Variants in SCARB1 observed in about 807,000 individuals in gnomAD.
SCARB1 encodes the protein scavenger receptor class B member 1, also known as CD36 and LIMPII analogous 1.
In SCARB1, 30 loss-of-function variants were observed where a neutral mutation model predicts 57.2. The observed-to-expected ratio is 0.52, with a 90% CI of 0.39 to 0.71. The LOEUF (loss-of-function observed/expected upper bound fraction) is 0.71, where lower values mean the gene tolerates loss of function less well. Among genes scored for constraint, SCARB1 ranks in the 30% least tolerant of loss-of-function variants. The pLI, the probability that SCARB1 is intolerant of heterozygous loss-of-function variation, is 0.00. For synonymous variants in SCARB1, 249 were observed against 268.3 expected (o/e 0.93, Z 0.70); for missense variants, 543 against 671.2 (o/e 0.81, Z 2.11).
At chr12:124,833,482 C>T (rs117583790) in intron 1 of SCARB1, among the ~76,000 whole-genome samples, 1 of 152,152 alleles carries the variant, frequency 6.6e-6, no homozygotes, top group South Asian at 2.1e-4. Context: ...GCCATCATGC[C>T]TGGTGTAAGA....
At chr12:124,818,177 C>G (rs778154657) in intron 1 of SCARB1, among the ~76,000 whole-genome samples, 3 of 152,168 alleles carry the variant, frequency 2.0e-5, no homozygotes, top group Non-Finnish European at 2.9e-5. Context: ...CAGGACAGAC[C>G]AAAAGCCCAG....
chr12:124,801,252 T>G (rs531481321), intron 7 of SCARB1, among the ~76,000 whole-genome samples: 4 of 148,864 alleles, frequency 2.7e-5, no homozygotes, highest in Admixed American at 1.3e-4. Context: ...ACAGTGCTAA[T>G]CCACAGACAG....
intron 12 of SCARB1, 27 bp downstream of exon 12, chr12:124,782,656 A>T (rs369142298): frequency 4.5e-5 from 72 of 1,611,106 alleles, no homozygotes; most frequent in Non-Finnish European, 5.5e-5. Flanking sequence ...GGGGGCGGGG[A>T]GGCGCACGGC....
intron 1 of SCARB1, among the ~76,000 whole-genome samples, chr12:124,863,316 G>A (rs1286261719): frequency 2.6e-5 from 4 of 152,176 alleles, no homozygotes; most frequent in African/African-American, 9.7e-5. Flanking sequence ...CGGGTCAGGC[G>A]CCCGGGTGGT....
chr12:124,800,314 G>T lies in SCARB1; in HGVS notation c.1010-72C>A. ...GCAGGTCCTGCCAGGCCGGAGGTCT[G>T]CACAGAGCTGTGGTCTGCAGGGCAC... is the stretch of plus-strand genomic sequence containing the variant. On this transcript the variant is annotated intron_variant, in intron 7 of 12. Transcript: ENST00000261693. The surrounding 1 kb of genome is among the most constrained non-coding windows in gnomAD (Gnocchi z 4.8). 8.6e-7 allele frequency: 1 copy of T among 1,163,896 alleles called. No individual in the cohort carries two copies. Among genetic ancestry groups the T allele is most frequent in the Non-Finnish European group, 1.3e-6 (1 of 781,890 alleles). 72.1% of individuals were successfully genotyped at this position (1,163,896 alleles called of 1,614,324 possible). A position where few individuals can be genotyped will look rare whatever the true frequency, so the allele number is the denominator to read the frequency against.
intron 9 of SCARB1, among the ~76,000 whole-genome samples, chr12:124,788,392 C>T (rs565326938): frequency 2.0e-5 from 3 of 152,286 alleles, no homozygotes; most frequent in African/African-American, 4.8e-5. Context: ...GCTCTGTGAC[C>T]AAGTTCTGGT....
chr12:124,787,584 A>C, intron 9 of SCARB1, 127 bp from the exon 10 acceptor site: 1 of 778,792 alleles, frequency 1.3e-6, no homozygotes, highest in Admixed American at 2.1e-5. Context: ...TCACCACCAA[A>C]TATAAACAAT....
intron 1 of SCARB1, among the ~76,000 whole-genome samples, chr12:124,836,507 A>G (rs931417442): frequency 1.3e-5 from 2 of 152,154 alleles, no homozygotes; most frequent in African/African-American, 4.8e-5. Flanking sequence ...AAACCTAACA[A>G]TTAGGCTGGG....
intron 9 of SCARB1, among the ~76,000 whole-genome samples, chr12:124,788,057 G>T (rs1393567041): frequency 6.6e-6 from 1 of 152,034 alleles, no homozygotes; most frequent in Non-Finnish European, 1.5e-5. Context: ...TGCTATACAG[G>T]GTTCAGTACT....
intron 5 of SCARB1, among the ~76,000 whole-genome samples, chr12:124,811,135 T>G (rs1485484874): frequency 4.6e-5 from 7 of 152,182 alleles, no homozygotes; most frequent in Non-Finnish European, 7.4e-5. Context: ...TACATATAGG[T>G]GTGCACATGG....
chr12:124,832,572 C>T (rs1038528567), intron 1 of SCARB1, among the ~76,000 whole-genome samples: 3 of 151,928 alleles, frequency 2.0e-5, no homozygotes, highest in Non-Finnish European at 4.4e-5. Context: ...CAAGCAGGCT[C>T]TGTCGCGGCA....
At position 124,814,999 on chromosome 12, in the gene SCARB1, T is replaced by G; in HGVS notation, c.400A>C (p.Ile134Leu). Residue 134 changes from isoleucine to leucine, a missense_variant, in exon 3 of 13, where the codon ATC (isoleucine) becomes CTC (leucine). By Grantham distance (5) the Ile-to-Leu change is conservative. Coordinates refer to ENST00000261693, the MANE Select transcript of SCARB1 (RefSeq NM_005505.5). This position sits in a 1 kb window ranked among gnomAD's most constrained non-coding sequence, Gnocchi z 4.7. Reference protein sequence around the residue: ...SKSHGSESDYIVMPNILVLGA... With the variant: ...SKSHGSESDYLVMPNILVLGA... ...AAGACCAGGATGTTGGGCATGACGATGTAGTCGCTCTCCGAGCCGTGGGAC... is the reference window on the plus strand; with the variant it reads ...AAGACCAGGATGTTGGGCATGACGAGGTAGTCGCTCTCCGAGCCGTGGGAC... 1 of 1,614,096 alleles carries G rather than the reference T, an allele frequency of 6.2e-7. No homozygotes were observed. Among genetic ancestry groups the G allele is most frequent in the Non-Finnish European group, 8.5e-7 (1 of 1,180,008 alleles).
intron 1 of SCARB1, among the ~76,000 whole-genome samples, chr12:124,852,087 C>T (rs1335377407): frequency 6.6e-6 from 1 of 152,068 alleles, no homozygotes; most frequent in Non-Finnish European, 1.5e-5. Context: ...GGAGGTGGCC[C>T]CAGAAACAGC....
In SCARB1 at chr12:124,810,045, G is replaced by A. The variant is rs1408469022; in HGVS notation, c.842+129C>T. 2.9e-6 allele frequency: 2 copies of A among 695,648 alleles called. No individual in the cohort carries two copies. Among genetic ancestry groups the A allele is most frequent in the East Asian group, 2.8e-5 (1 of 36,310 alleles). 43.1% of individuals were successfully genotyped at this position (695,648 alleles called of 1,614,324 possible). On this transcript the variant is annotated intron_variant, in intron 6 of 12. Transcript: ENST00000261693. This position sits in a 1 kb window ranked among gnomAD's most constrained non-coding sequence, Gnocchi z 4.0. The stretch of plus-strand genomic sequence containing the variant: ...GGTGGTGTGACCAAAGAGAATTCAA[G>A]CTGGTGCCAAGGGCTACTGAGTCAA...
chr12:124,795,173 C>A, intron 9 of SCARB1, 22 bp downstream of exon 9: 1 of 1,601,072 alleles, frequency 6.2e-7, no homozygotes, highest in Non-Finnish European at 8.6e-7. Context: ...CAATGCAGCC[C>A]CAGCTCCCAG....
At chr12:124,815,588 G>A (rs757120555) in intron 2 of SCARB1, among the ~76,000 whole-genome samples, 5 of 152,202 alleles carry the variant, frequency 3.3e-5, no homozygotes, top group African/African-American at 4.8e-5. Context: ...AAATCAGGTC[G>A]GGAGCAGTGG....
Position 124,842,215 on chromosome 12 carries a change from A to G in SCARB1, c.126+21380T>C, listed in dbSNP as rs528214486. ...CCCCGTGTCACTCCCAGCCAGGAGCAAGAGGGCACCATGCCAGTGCTGCCT... is the reference window on the plus strand; with the variant it reads ...CCCCGTGTCACTCCCAGCCAGGAGCGAGAGGGCACCATGCCAGTGCTGCCT... On this transcript the variant is annotated intron_variant, in intron 1 of 12. Coordinates refer to ENST00000261693, the MANE Select transcript of SCARB1 (RefSeq NM_005505.5). 3.9e-5 allele frequency among the ~76,000 whole-genome samples: 6 copies of G among 152,328 alleles called. No homozygotes were observed. In the East Asian group the frequency reaches 1.2e-3, roughly 29 times the overall value.
In SCARB1 at chr12:124,795,247, A is replaced by G. The variant is rs111680961; in HGVS notation, c.1150T>C (p.Cys384Arg). 1 of 1,613,984 alleles carries G rather than the reference A, an allele frequency of 6.2e-7. No homozygotes were observed. The highest frequency in any genetic ancestry group is 8.5e-7 in the Non-Finnish European group (1 of 1,179,880). Residue 384 changes from cysteine to arginine, a missense_variant, in exon 9 of 13, where the codon TGC becomes CGC. Cys to Arg is a radical substitution (Grantham distance 180, BLOSUM62 -3). Coordinates refer to ENST00000261693, the MANE Select transcript of SCARB1 (RefSeq NM_005505.5). ...AGGCTCAGCTGCAGTTTCACAGAGC[A>G]GTTCATGGGGATTCCCGTGACCTGC... ...IHPVTGIPMN[C>R]SVKLQLSLYM...
At chr12:124,821,287 CA>C in intron 1 of SCARB1, 1 of 663,212 alleles carries the variant, frequency 1.5e-6, no homozygotes. Context: ...CACACACACG[CA>C]GCCTCAATTT....
Sources: allele counts gnomAD v4.1 joint callset (sites outside exome capture counted in the v4.1 genomes callset), GRCh38; gene constraint gnomAD v4.1.1; non-coding constraint Gnocchi (gnomAD v3.1); transcripts MANE v1.5; gene names NCBI Gene and HGNC (gene_info 2026-07-23, HGNC 2026-07-21).